The following STAP1 variants were observed in gnomAD, a reference collection of about 807,000 sequenced individuals.
The protein encoded by STAP1 is signal transducing adaptor family member 1, also known as signal-transducing adaptor protein 1.
STAP1 carries 30 observed loss-of-function variants against 37.8 expected under a neutral mutation model. The ratio of observed to expected loss-of-function variants is 0.79; its 90% CI spans 0.59 to 1.08. The LOEUF (loss-of-function observed/expected upper bound fraction) is 1.08. STAP1 is among the 50% of genes least tolerant of loss of function. STAP1 has a pLI of 0.00. For missense variants in STAP1, 357 were observed against 349.4 expected (o/e 1.02, Z -0.17); for synonymous variants, 130 against 116.0 (o/e 1.12, Z -0.78).
chr4:67,577,155 T>C, intron 3 of STAP1, 48 bp from the exon 4 acceptor site: 1 of 1,519,998 alleles, frequency 6.6e-7, no homozygotes. Flanking sequence ...GCTCAATCAC[T>C]CATGTATTTC....
intron 8 of STAP1, among the ~76,000 whole-genome samples, chr4:67,593,577 C>T (rs780093436): frequency 8.5e-5 from 13 of 152,076 alleles, no homozygotes; most frequent in Admixed American, 2.0e-4. Context: ...GAATGGAAAA[C>T]CCTGAGGTAT....
At chr4:67,573,545 G>C (rs773627879) in intron 2 of STAP1, among the ~76,000 whole-genome samples, 10 of 152,030 alleles carry the variant, frequency 6.6e-5, no homozygotes, top group Non-Finnish European at 1.5e-4. Context: ...CAATCCCTCA[G>C]AAAAAAGATT....
chr4:67,566,212 T>C (rs1727466983), intron 1 of STAP1, among the ~76,000 whole-genome samples: 1 of 152,084 alleles, frequency 6.6e-6, no homozygotes, highest in Non-Finnish European at 1.5e-5. Context: ...CCTCCCAAAG[T>C]ACTGCGACGA....
intron 1 of STAP1, among the ~76,000 whole-genome samples, chr4:67,564,726 A>G (rs976210486): frequency 6.6e-6 from 1 of 152,132 alleles, no homozygotes; most frequent in African/African-American, 2.4e-5. Flanking sequence ...CAGCCTGGCC[A>G]ACATGGTGAA....
intron 1 of STAP1, among the ~76,000 whole-genome samples, chr4:67,564,221 C>T (rs1001985730): frequency 2.6e-5 from 4 of 152,116 alleles, no homozygotes; most frequent in African/African-American, 9.7e-5. Flanking sequence ...CTATTTGTAA[C>T]CTTACTTTTC....
At chr4:67,596,813 T>C (rs1728236090) in intron 8 of STAP1, among the ~76,000 whole-genome samples, 1 of 152,192 alleles carries the variant, frequency 6.6e-6, no homozygotes, top group African/African-American at 2.4e-5. Flanking sequence ...TTTCTAAAAG[T>C]ATACAGTCAT....
At chr4:67,593,798 T>C (rs183681184) in intron 8 of STAP1, among the ~76,000 whole-genome samples, 94 of 152,214 alleles carry the variant, frequency 6.2e-4, no homozygotes, top group African/African-American at 2.1e-3. Context: ...ATAGATGACT[T>C]GAGAGAGAGA....
chr4:67,596,235 C>T (rs1163753281), intron 8 of STAP1, among the ~76,000 whole-genome samples: 1 of 152,130 alleles, frequency 6.6e-6, no homozygotes, highest in Non-Finnish European at 1.5e-5. Context: ...TTTCCCTGTG[C>T]TCTCTCTTTC....
rs142993473 is a variant in STAP1, at chr4:67,565,320, C to A, written c.121-5764C>A. Among the ~76,000 whole-genome samples the A allele has an allele frequency of 2.3e-3, 344 of 152,164 alleles. 1 individual carries two copies. Among genetic ancestry groups the A allele is most frequent in the African/African-American group, 8.0e-3 (330 of 41,502 alleles). ...CCAGATTTCTAAATGGATTTTTAAA[C>A]CTCTTTATTTAAGAAAACATGAAAG... On this transcript the variant is annotated intron_variant, in intron 1 of 8. Transcript: ENST00000265404.
At chr4:67,576,750 T>C (rs994749033) in intron 3 of STAP1, among the ~76,000 whole-genome samples, 4 of 151,964 alleles carry the variant, frequency 2.6e-5, no homozygotes, top group African/African-American at 9.7e-5. Context: ...CACCTCAGCC[T>C]CCCAAAGTGC....
At chr4:67,588,391 T>TTG (rs1458753611) in intron 6 of STAP1, among the ~76,000 whole-genome samples, 27 of 151,924 alleles carry the variant, frequency 1.8e-4, no homozygotes, top group South Asian at 4.2e-4. Context: ...ATGTCTTTTT[T>TTG]TTGTTGTTGT....
At chr4:67,575,314 T>C in intron 2 of STAP1, 71 bp from the exon 3 acceptor site, 1 of 986,300 alleles carries the variant, frequency 1.0e-6, no homozygotes, top group Non-Finnish European at 1.5e-6. Context: ...TATTACTTAT[T>C]TTGCTTCCTG....
At chr4:67,559,575 A>G (rs1727287688) in intron 1 of STAP1, among the ~76,000 whole-genome samples, 1 of 152,124 alleles carries the variant, frequency 6.6e-6, no homozygotes, top group Non-Finnish European at 1.5e-5. Context: ...GTATTTTTAA[A>G]TGTAATAATT....
chr4:67,562,087 A>G (rs548773287), intron 1 of STAP1, among the ~76,000 whole-genome samples: 4,914 of 143,762 alleles, frequency 0.034, 120 homozygotes, highest in Non-Finnish European at 0.044. Context: ...AAAAAAAAAA[A>G]AAAAGAAAGA....
At chr4:67,575,546 A>T (rs755172021) in intron 3 of STAP1, 48 bp downstream of exon 3, 5 of 1,278,652 alleles carry the variant, frequency 3.9e-6, no homozygotes, top group Non-Finnish European at 5.6e-6. Flanking sequence ...GTTATAAATA[A>T]CATTCTTCAC....
intron 8 of STAP1, among the ~76,000 whole-genome samples, chr4:67,599,164 C>T (rs1352999191): frequency 1.3e-5 from 2 of 152,064 alleles, no homozygotes; most frequent in African/African-American, 2.4e-5. Context: ...GAGATATTGG[C>T]TTGTAGTTTT....
chr4:67,562,001 G>A (rs1212195593), intron 1 of STAP1, among the ~76,000 whole-genome samples: 4 of 147,126 alleles, frequency 2.7e-5, no homozygotes, highest in African/African-American at 7.6e-5. Context: ...GAACCTGGGA[G>A]TCAGAGGTTG....
At chr4:67,579,792 C>G (rs1727808858) in intron 4 of STAP1, among the ~76,000 whole-genome samples, 1 of 152,222 alleles carries the variant, frequency 6.6e-6, no homozygotes, top group Non-Finnish European at 1.5e-5. Context: ...ACCTCCAACA[C>G]TGGGGCTAAT....
chr4:67,606,546 G>C lies in STAP1; in HGVS notation c.*189G>C. 1.9e-6 allele frequency: 1 copy of C among 538,406 alleles called. No homozygotes were observed. Among genetic ancestry groups the C allele is most frequent in the Non-Finnish European group, 3.2e-6 (1 of 312,050 alleles). 33.4% of individuals were successfully genotyped at this position (538,406 alleles called of 1,614,324 possible). A position where few individuals can be genotyped will look rare whatever the true frequency, so the allele number is the denominator to read the frequency against. ...CTTATCAGAATGAAACCAATTCACAGGGAAACTAGAGACTACGGCTGTGGT... is the reference window on the plus strand; with the variant it reads ...CTTATCAGAATGAAACCAATTCACACGGAAACTAGAGACTACGGCTGTGGT... On this transcript the variant is annotated 3_prime_UTR_variant, in exon 9 of 9. Transcript: ENST00000265404.
Sources: gnomAD v4.1 joint callset for allele counts (sites outside exome capture counted in the v4.1 genomes callset) on GRCh38, gnomAD v4.1.1 for gene constraint, MANE v1.5 for transcripts, NCBI Gene and HGNC (gene_info 2026-07-23, HGNC 2026-07-21) for gene names.